The following TBCB variants were observed in gnomAD, a reference collection of about 807,000 sequenced individuals.
TBCB encodes tubulin-folding cofactor B.
TBCB carries 18 observed loss-of-function variants against 29.2 expected under a neutral mutation model. That is an observed-to-expected ratio of 0.62 (90% CI 0.43 to 0.91). The LOEUF (loss-of-function observed/expected upper bound fraction) is 0.91. TBCB is among the 40% of genes least tolerant of loss of function. The pLI is 0.00. For synonymous variants in TBCB, 172 were observed against 137.8 expected (o/e 1.25, Z -1.74); for missense variants, 336 against 337.6 (o/e 1.00, Z 0.04).
intron 4 of TBCB, among the ~76,000 whole-genome samples, chr19:36,123,454 G>C (rs538667715): frequency 1.3e-5 from 2 of 152,060 alleles, no homozygotes; most frequent in South Asian, 4.1e-4. Flanking sequence ...TTGTAGGATG[G>C]GATTTCGCCA....
chr19:36,116,441 C>T (rs576105478), intron 2 of TBCB: 31 of 411,686 alleles, frequency 7.5e-5, no homozygotes, highest in Middle Eastern at 1.2e-3. Context: ...TCAGAGAGGG[C>T]TTCCTGGAGG....
Position 36,120,826 on chromosome 19 carries a change from G to C in TBCB, c.355+20G>C, listed in dbSNP as rs1278911696. 1.9e-6 allele frequency: 3 copies of C among 1,612,796 alleles called. No individual in the cohort carries two copies. Among genetic ancestry groups the C allele is most frequent in the Non-Finnish European group, 2.5e-6 (3 of 1,179,110 alleles). Reference sequence around the variant, plus strand: ...GGCAAGGTACGGGCAGGTGGGCGTCGAGGGGTGCGTGGGGGCCAGAGGGAG... The same window carrying C: ...GGCAAGGTACGGGCAGGTGGGCGTCCAGGGGTGCGTGGGGGCCAGAGGGAG... On this transcript the variant is annotated intron_variant, in intron 3 of 5. Transcript: ENST00000221855.
At chr19:36,117,402 T>A (rs1160279067) in intron 2 of TBCB, among the ~76,000 whole-genome samples, 1 of 152,204 alleles carries the variant, frequency 6.6e-6, no homozygotes, top group Admixed American at 6.5e-5. Flanking sequence ...CGGAATGCAG[T>A]GGTGTGATCT....
rs775931314 is a variant in TBCB, at chr19:36,115,554, C to G, written c.-7C>G. On this transcript the variant is annotated 5_prime_UTR_variant, in exon 1 of 6. Transcript: ENST00000221855. ...CCGCGCTGCAGGCATCCGCAGGGCG[C>G]GGCAAGATGGAGGTGACGGGGGTGT... 3.5e-5 allele frequency: 56 copies of G among 1,598,628 alleles called. No individual in the cohort carries two copies. Among genetic ancestry groups the G allele is most frequent in the Non-Finnish European group, 4.2e-5 (49 of 1,173,102 alleles).
chr19:36,121,504 A>G lies in TBCB; in HGVS notation c.356-23A>G, dbSNP rs971420950. The G allele has an allele frequency of 2.6e-6, 4 of 1,541,970 alleles. No individual in the cohort carries two copies. In the African/African-American group the frequency reaches 5.5e-5, roughly 21 times the overall value. On this transcript the variant is annotated intron_variant, in intron 3 of 5. Coordinates refer to ENST00000221855, the MANE Select transcript of TBCB (RefSeq NM_001281.3). ...TTAGGCCCGGCCGACACCCCAACTGACCCCAGCCCCCTCTGCCCACAGACA... is the reference window on the plus strand; with the variant it reads ...TTAGGCCCGGCCGACACCCCAACTGGCCCCAGCCCCCTCTGCCCACAGACA...
At chr19:36,120,046 C>T (rs1439542701) in intron 2 of TBCB, among the ~76,000 whole-genome samples, 5 of 152,184 alleles carry the variant, frequency 3.3e-5, no homozygotes. Flanking sequence ...CTCATCTTTC[C>T]AGCCTTGGCT....
At chr19:36,116,250 G>T in intron 2 of TBCB, 66 bp downstream of exon 2, 2 of 1,585,250 alleles carry the variant, frequency 1.3e-6, no homozygotes, top group Non-Finnish European at 1.7e-6. Context: ...ACAGACACTT[G>T]CTGGGCTTTG....
rs774732833 is a variant in TBCB, at chr19:36,120,698, C to T, written c.259-12C>T. 3 of 1,613,700 alleles carry T rather than the reference C, an allele frequency of 1.9e-6. No homozygotes were observed. Among genetic ancestry groups the T allele is most frequent in the Non-Finnish European group, 2.5e-6 (3 of 1,179,676 alleles). On this transcript the variant is annotated splice_polypyrimidine_tract_variant and intron_variant, in intron 2 of 5. Transcript: ENST00000221855. ...AGACCCTGATCCCCACGGAGCCCCT[C>T]CCCTCACACAGGTCATTGACCACAG...
intron 2 of TBCB, chr19:36,116,513 G>A (rs894205859): frequency 3.7e-5 from 10 of 268,098 alleles, no homozygotes; most frequent in African/African-American, 2.0e-4. Flanking sequence ...TGGAAAGGAG[G>A]GAGCAGGGTG....
chr19:36,116,279 A>G, intron 2 of TBCB, 95 bp downstream of exon 2: 1 of 1,522,196 alleles, frequency 6.6e-7, no homozygotes. Context: ...CATACCCGAG[A>G]TAGGTCCTGC....
At position 36,121,515 on chromosome 19, in the gene TBCB, C is replaced by T. The variant is rs755478432; in HGVS notation, c.356-12C>T. On this transcript the variant is annotated splice_polypyrimidine_tract_variant and intron_variant, in intron 3 of 5. Coordinates refer to ENST00000221855, the MANE Select transcript of TBCB (RefSeq NM_001281.3). ...CGACACCCCAACTGACCCCAGCCCCCTCTGCCCACAGACACGGTCCGCTCT... is the reference window on the plus strand; with the variant it reads ...CGACACCCCAACTGACCCCAGCCCCTTCTGCCCACAGACACGGTCCGCTCT... The T allele has an allele frequency of 1.4e-5, 21 of 1,550,376 alleles. No individual in the cohort carries two copies. The highest frequency in any genetic ancestry group is 1.4e-5 in the African/African-American group (1 of 73,294).
In TBCB at chr19:36,115,536, G is replaced by A. The variant is rs375170781; in HGVS notation, c.-25G>A. ...GGGTGTGAGGCGGCTGGACCGCGCT[G>A]CAGGCATCCGCAGGGCGCGGCAAGA... On this transcript the variant is annotated 5_prime_UTR_variant, in exon 1 of 6. Transcript: ENST00000221855. 6 of 1,564,686 alleles carry A rather than the reference G, an allele frequency of 3.8e-6. No individual in the cohort carries two copies. The highest frequency in any genetic ancestry group is 5.2e-6 in the Non-Finnish European group (6 of 1,150,892).
At chr19:36,122,790 A>G (rs1048524088) in intron 4 of TBCB, among the ~76,000 whole-genome samples, 1 of 151,370 alleles carries the variant, frequency 6.6e-6, no homozygotes, top group African/African-American at 2.4e-5. Flanking sequence ...CGGGGTACAT[A>G]TATGTATTGT....
chr19:36,120,586 G>A (rs1434351085), intron 2 of TBCB, 124 bp from the exon 3 acceptor site: 1 of 733,440 alleles, frequency 1.4e-6, no homozygotes. Context: ...AGAAGAGAAG[G>A]CTGCAGTACA....
chr19:36,122,708 C>T (rs1459047670), intron 4 of TBCB, among the ~76,000 whole-genome samples: 6 of 148,462 alleles, frequency 4.0e-5, no homozygotes, highest in Admixed American at 1.4e-4. Context: ...GAGCTATGAT[C>T]GCACCACTGC....
intron 2 of TBCB, among the ~76,000 whole-genome samples, chr19:36,119,288 G>A (rs4555271): frequency 0.75 from 113,666 of 152,170 alleles, 42,800 homozygotes; most frequent in African/African-American, 0.82. Flanking sequence ...TCATCCGGAG[G>A]TAAAGGCCAT....
chr19:36,115,826 G>A (rs945847919), intron 1 of TBCB, 152 bp downstream of exon 1: 2 of 1,083,054 alleles, frequency 1.8e-6, no homozygotes, highest in African/African-American at 1.6e-5. Flanking sequence ...GGCGGGGCGG[G>A]TCCGGAGAGA....
At chr19:36,123,097 A>G (rs1489144129) in intron 4 of TBCB, among the ~76,000 whole-genome samples, 3 of 152,094 alleles carry the variant, frequency 2.0e-5, no homozygotes, top group Non-Finnish European at 2.9e-5. Flanking sequence ...GAATGCTTTC[A>G]AGTTTCATCC....
In TBCB at chr19:36,121,543, C is replaced by A. The variant is rs1234863563; in HGVS notation, c.372C>A (p.Phe124Leu). Reference protein sequence around the residue: ...YDQRQDTVRSFLKRSKLGRYN... With the variant: ...YDQRQDTVRSLLKRSKLGRYN... ...TGCCCACAGACACGGTCCGCTCTTT[C>A]CTGAAGCGCAGCAAGCTCGGCCGGT... Residue 124 changes from phenylalanine to leucine, a missense_variant, in exon 4 of 6, where the codon TTC becomes TTA. Transcript: ENST00000221855. The A allele has an allele frequency of 6.4e-7, 1 of 1,559,700 alleles. No homozygotes were observed. Among genetic ancestry groups the A allele is most frequent in the Non-Finnish European group, 8.7e-7 (1 of 1,154,064 alleles).
Sources: gnomAD v4.1 joint callset for allele counts (sites outside exome capture counted in the v4.1 genomes callset) on GRCh38, gnomAD v4.1.1 for gene constraint, MANE v1.5 for transcripts, NCBI Gene and HGNC (gene_info 2026-07-23, HGNC 2026-07-21) for gene names.